Variants in PLXDC2 observed in about 807,000 individuals in gnomAD.
PLXDC2 encodes the protein plexin domain-containing protein 2.
In PLXDC2, 40 loss-of-function variants were observed where a neutral mutation model predicts 68.9. The observed-to-expected ratio is 0.58, with a 90% CI of 0.45 to 0.76. The LOEUF (loss-of-function observed/expected upper bound fraction) is 0.76. PLXDC2 is among the 30% of genes least tolerant of loss of function. The pLI is 0.00. For synonymous variants in PLXDC2, 243 were observed against 234.2 expected, an observed-to-expected ratio of 1.04 and a Z score of -0.34; for missense variants, 644 against 661.9, an observed-to-expected ratio of 0.97 and a Z score of 0.30.
chr10:20,000,488 T>C (rs568384094), intron 1 of PLXDC2, among the ~76,000 whole-genome samples: 23 of 152,262 alleles, frequency 1.5e-4, no homozygotes, highest in Non-Finnish European at 2.8e-4. Context: ...GCATATATCC[T>C]TACTCTATGC....
chr10:20,002,512 G>A (rs1834960460), intron 2 of PLXDC2, among the ~76,000 whole-genome samples: 1 of 152,112 alleles, frequency 6.6e-6, no homozygotes. Context: ...ACCCACGAAG[G>A]CCTCCCAAAG....
At chr10:20,096,032 A>G (rs1316528202) in intron 4 of PLXDC2, among the ~76,000 whole-genome samples, 1 of 152,178 alleles carries the variant, frequency 6.6e-6, no homozygotes. Flanking sequence ...TAATTTGGCC[A>G]TAGAACTCCT....
intron 12 of PLXDC2, among the ~76,000 whole-genome samples, chr10:20,231,308 T>C (rs1257780389): frequency 1.3e-5 from 2 of 150,474 alleles, no homozygotes; most frequent in African/African-American, 4.8e-5. Context: ...ATATAAAATA[T>C]GTATTGAAGA....
intron 1 of PLXDC2, among the ~76,000 whole-genome samples, chr10:19,903,705 T>A (rs1172146340): frequency 6.6e-6 from 1 of 151,816 alleles, no homozygotes; most frequent in African/African-American, 2.4e-5. Context: ...TTCATTATTT[T>A]TTTTTTTTTT....
chr10:20,217,353 G>A, intron 10 of PLXDC2, 73 bp from the exon 11 acceptor site: 1 of 1,384,354 alleles, frequency 7.2e-7, no homozygotes, highest in South Asian at 1.6e-5. Flanking sequence ...TTACAGCCCA[G>A]CTTCTTTGAT....
intron 4 of PLXDC2, among the ~76,000 whole-genome samples, chr10:20,138,419 G>A (rs1408782213): frequency 6.6e-6 from 1 of 152,172 alleles, no homozygotes; most frequent in African/African-American, 2.4e-5. Context: ...GTCTTCTAAT[G>A]TATCTTTTGT....
At chr10:20,162,057 AGAGAGAGAGAGAGAGAAGGAAGGAAG>A (rs1448146220) in intron 6 of PLXDC2, among the ~76,000 whole-genome samples, 5 of 120,692 alleles carry the variant, frequency 4.1e-5, no homozygotes, top group East Asian at 2.5e-4. Flanking sequence ...AGAGAGAGAG[AGAGAGAGAGAGAGAGAAGGAAGGAAG>A]GAAGGAAGGA....
chr10:20,019,661 T>G (rs1835270886), intron 2 of PLXDC2, among the ~76,000 whole-genome samples: 1 of 152,182 alleles, frequency 6.6e-6, no homozygotes, highest in Admixed American at 6.5e-5. Flanking sequence ...AAAGGCCATG[T>G]GAGGACACAG....
chr10:20,136,758 A>T (rs1240161137), intron 4 of PLXDC2, among the ~76,000 whole-genome samples: 1 of 152,238 alleles, frequency 6.6e-6, no homozygotes, highest in Non-Finnish European at 1.5e-5. Flanking sequence ...CCCTACAGGC[A>T]TACCCATCAA....
chr10:20,063,916 T>C lies in PLXDC2; in HGVS notation c.472-4254T>C, dbSNP rs561791900. 7.9e-5 allele frequency among the ~76,000 whole-genome samples: 12 copies of C among 152,358 alleles called. No homozygotes were observed. The South Asian group carries it at 1.2e-3, about 16-fold the overall frequency. ...CCATATGAAGACGTAATACTTTTTT[T>C]GTTTGGCTCAAAGTTACCATTCCCC... is the stretch of plus-strand genomic sequence containing the variant. On this transcript the variant is annotated intron_variant, in intron 3 of 13. Coordinates refer to ENST00000377252, the MANE Select transcript of PLXDC2 (RefSeq NM_032812.9).
chr10:20,095,627 G>T (rs1299199900), intron 4 of PLXDC2, among the ~76,000 whole-genome samples: 1 of 152,070 alleles, frequency 6.6e-6, no homozygotes, highest in East Asian at 1.9e-4. Flanking sequence ...AAAAAGTGAA[G>T]GCAAGGAAGC....
At chr10:20,219,236 A>T in intron 12 of PLXDC2, 134 bp downstream of exon 12, 1 of 936,230 alleles carries the variant, frequency 1.1e-6, no homozygotes, top group Non-Finnish European at 1.5e-6. Context: ...GGGATTTAAC[A>T]TGGGAAGGAG....
intron 9 of PLXDC2, among the ~76,000 whole-genome samples, chr10:20,210,259 TACA>T (rs1400111217): frequency 2.0e-5 from 3 of 152,158 alleles, no homozygotes; most frequent in African/African-American, 7.2e-5. Context: ...AGTAATGAAA[TACA>T]ACAATTATAA....
chr10:20,019,838 G>A (rs1835274878), intron 2 of PLXDC2, among the ~76,000 whole-genome samples: 1 of 152,078 alleles, frequency 6.6e-6, no homozygotes. Flanking sequence ...AGCTGCCATG[G>A]CAGCACAGGC....
intron 9 of PLXDC2, among the ~76,000 whole-genome samples, chr10:20,203,343 TGC>T (rs1233614874): frequency 6.7e-6 from 1 of 149,412 alleles, no homozygotes; most frequent in Non-Finnish European, 1.5e-5. Context: ...CAGGCTGGGG[TGC>T]AGTGGTATGA....
intron 12 of PLXDC2, among the ~76,000 whole-genome samples, chr10:20,226,258 T>C (rs1037038523): frequency 3.9e-5 from 6 of 152,158 alleles, no homozygotes; most frequent in Non-Finnish European, 7.4e-5. Flanking sequence ...TCCTAACTCA[T>C]GTTAATATAG....
chr10:20,092,567 G>A (rs1833294493), intron 4 of PLXDC2, among the ~76,000 whole-genome samples: 1 of 152,066 alleles, frequency 6.6e-6, no homozygotes, highest in African/African-American at 2.4e-5. Flanking sequence ...GTTGATTGTT[G>A]ACAAGGAAGT....
chr10:19,950,841 A>G (rs2131406475), intron 1 of PLXDC2, among the ~76,000 whole-genome samples: 1 of 152,330 alleles, frequency 6.6e-6, no homozygotes, highest in African/African-American at 2.4e-5. Flanking sequence ...CTCAGAAATA[A>G]AGCCACATAC....
rs535496117 is a variant in PLXDC2, at chr10:20,094,751, C to T, written c.541+26512C>T. 6.6e-5 allele frequency among the ~76,000 whole-genome samples: 10 copies of T among 152,172 alleles called. No individual in the cohort carries two copies. In the South Asian group the frequency reaches 1.7e-3, roughly 25 times the overall value. ...TCTAAGAAAGGGGTATTGTTGCTGT[C>T]GCTACTGACATCATTTAGAGTCATC... On this transcript the variant is annotated intron_variant, in intron 4 of 13. Transcript: ENST00000377252.
Sources: gnomAD v4.1 joint callset for allele counts (sites outside exome capture counted in the v4.1 genomes callset) on GRCh38, gnomAD v4.1.1 for gene constraint, MANE v1.5 for transcripts, NCBI Gene and HGNC (gene_info 2026-07-23, HGNC 2026-07-21) for gene names.